IDE: variants seen among roughly 807,000 people sequenced by gnomAD.
IDE encodes insulin-degrading enzyme.
IDE carries 58 observed loss-of-function variants against 133.2 expected under a neutral mutation model. The observed-to-expected ratio is 0.44, with a 90% CI of 0.35 to 0.54. IDE has a LOEUF of 0.54. Among genes scored for constraint, IDE ranks in the 20% least tolerant of loss-of-function variants. The pLI, the probability that IDE is intolerant of heterozygous loss-of-function variation, is 0.00. For synonymous variants in IDE, 396 were observed against 421.3 expected, an observed-to-expected ratio of 0.94 and a Z score of 0.73; for missense variants, 981 against 1,234.0, an observed-to-expected ratio of 0.79 and a Z score of 3.07.
At chr10:92,545,734 A>G (rs555331471) in intron 1 of IDE, among the ~76,000 whole-genome samples, 32 of 152,188 alleles carry the variant, frequency 2.1e-4, no homozygotes, top group Non-Finnish European at 4.1e-4. Flanking sequence ...AACTTTCCCA[A>G]CAGAAGATTT....
chr10:92,480,399 A>G (rs1207356924), intron 14 of IDE, among the ~76,000 whole-genome samples: 1 of 152,236 alleles, frequency 6.6e-6, no homozygotes, highest in African/African-American at 2.4e-5. Flanking sequence ...GGGGACACAT[A>G]ATAATAAATT....
At chr10:92,478,421 T>C (rs934191992) in intron 15 of IDE, among the ~76,000 whole-genome samples, 10 of 152,188 alleles carry the variant, frequency 6.6e-5, no homozygotes, top group African/African-American at 2.4e-4. Flanking sequence ...CAGAAGAGCA[T>C]GCAAATAAAC....
chr10:92,545,218 A>G (rs1842487863), intron 1 of IDE, among the ~76,000 whole-genome samples: 1 of 152,166 alleles, frequency 6.6e-6, no homozygotes, highest in Non-Finnish European at 1.5e-5. Context: ...CACTTCTTCT[A>G]TTTCAACATT....
At chr10:92,482,967 A>C (rs1186524108) in intron 14 of IDE, among the ~76,000 whole-genome samples, 2 of 152,036 alleles carry the variant, frequency 1.3e-5, no homozygotes, top group East Asian at 3.9e-4. Flanking sequence ...TTTTTAGTAG[A>C]GACGGGGTTT....
rs571620531 is a variant in IDE at position 92,537,309 on chromosome 10, T to G, written c.283+57A>C. ...AACACGTATGGAAAGTTCTAATAAATGTCAGCATTAGGTCAATGAAACAAA... is the reference window on the plus strand; with the variant it reads ...AACACGTATGGAAAGTTCTAATAAAGGTCAGCATTAGGTCAATGAAACAAA... On this transcript the variant is annotated intron_variant, in intron 2 of 24. Transcript: ENST00000265986. 10 of 1,344,064 alleles carry G rather than the reference T, an allele frequency of 7.4e-6. No homozygotes were observed. In the African/African-American group the frequency reaches 1.5e-4, roughly 20 times the overall value. The allele number at this position is 1,344,064 out of a possible 1,614,324, so 83.3% of individuals were successfully genotyped here. A position where few individuals can be genotyped will look rare whatever the true frequency, so the allele number is the denominator to read the frequency against.
rs1195513050 is a variant in IDE at position 92,452,299 on chromosome 10, T to C, written c.*2145A>G. The C allele has an allele frequency of 6.6e-6, 1 of 152,214 alleles. No individual in the cohort carries two copies. 9.4% of individuals were successfully genotyped at this position (152,214 alleles called of 1,614,324 possible). A position where few individuals can be genotyped will look rare whatever the true frequency, so the allele number is the denominator to read the frequency against. ...GGATAACCCTAGCACTCCACCATAC[T>C]GGCTGTGTCACATGCTCCCTCTTTC... On this transcript the variant is annotated 3_prime_UTR_variant, in exon 25 of 25. Transcript: ENST00000265986.
intron 5 of IDE, among the ~76,000 whole-genome samples, chr10:92,512,574 A>C (rs919763979): frequency 6.6e-6 from 1 of 151,052 alleles, no homozygotes; most frequent in Admixed American, 6.6e-5. Flanking sequence ...AAAAAAAAAA[A>C]CACCCAGCTT....
intron 1 of IDE, among the ~76,000 whole-genome samples, chr10:92,558,134 C>T (rs558278476): frequency 4.6e-5 from 7 of 152,300 alleles, no homozygotes; most frequent in African/African-American, 9.6e-5. Flanking sequence ...CTCACCGCAA[C>T]GTCCACCTCC....
intron 17 of IDE, 24 bp downstream of exon 17, chr10:92,474,817 T>C: frequency 6.3e-7 from 1 of 1,588,998 alleles, no homozygotes; most frequent in Non-Finnish European, 8.5e-7. Flanking sequence ...AAGAAAGCAT[T>C]AAGCTTTAAG....
intron 6 of IDE, among the ~76,000 whole-genome samples, 192 bp downstream of exon 6, chr10:92,509,858 C>G (rs1468822366): frequency 7.0e-6 from 1 of 143,194 alleles, no homozygotes; most frequent in Non-Finnish European, 1.5e-5. Flanking sequence ...GAAGTTGAGG[C>G]TTCAGTGAGC....
intron 11 of IDE, among the ~76,000 whole-genome samples, chr10:92,503,873 C>T (rs1848160389): frequency 6.6e-6 from 1 of 152,120 alleles, no homozygotes; most frequent in Admixed American, 6.6e-5. Flanking sequence ...TGCATGCCAC[C>T]ATGCCTGGCT....
At chr10:92,568,433 A>C (rs1843649450) in intron 1 of IDE, among the ~76,000 whole-genome samples, 1 of 152,280 alleles carries the variant, frequency 6.6e-6, no homozygotes, top group Admixed American at 6.5e-5. Context: ...TAAAACTAAA[A>C]TAAACAATAA....
intron 17 of IDE, among the ~76,000 whole-genome samples, chr10:92,472,313 C>T (rs1041853910): frequency 7.2e-5 from 11 of 152,128 alleles, no homozygotes; most frequent in Admixed American, 3.3e-4. Flanking sequence ...CAAACCTTTG[C>T]TTTTTGATCA....
rs543334010 is a variant in IDE at position 92,511,096 on chromosome 10, A to C, written c.785-934T>G. 1.3e-3 allele frequency among the ~76,000 whole-genome samples: 201 copies of C among 150,816 alleles called. 1 individual carries two copies. Among genetic ancestry groups the C allele is most frequent in the South Asian group, 4.0e-3 (19 of 4,800 alleles). On this transcript the variant is annotated intron_variant, in intron 5 of 24. Transcript: ENST00000265986. ...AAGAAAGCAGTGTTAAAAAAAAAAA[A>C]AAAAACTTTTTTTTTTTTTTTTTGA...
At chr10:92,486,175 C>T (rs994340204) in intron 13 of IDE, among the ~76,000 whole-genome samples, 1 of 151,918 alleles carries the variant, frequency 6.6e-6, no homozygotes, top group Non-Finnish European at 1.5e-5. Flanking sequence ...ATGGTGAAAC[C>T]CTGTCTCTAC....
intron 4 of IDE, among the ~76,000 whole-genome samples, chr10:92,525,600 T>C (rs1339186155): frequency 6.6e-6 from 1 of 152,152 alleles, no homozygotes; most frequent in Non-Finnish European, 1.5e-5. Flanking sequence ...CTGTCATTGT[T>C]CGTAGACAAC....
Position 92,548,975 on chromosome 10 carries a change from A to G in IDE, c.99-11425T>C, listed in dbSNP as rs138251921. Among the ~76,000 whole-genome samples, 8 of 152,288 alleles carry G rather than the reference A, an allele frequency of 5.3e-5. No individual in the cohort carries two copies. In the East Asian group the frequency reaches 1.5e-3, roughly 29 times the overall value. On this transcript the variant is annotated intron_variant, in intron 1 of 24. Coordinates refer to ENST00000265986, the MANE Select transcript of IDE (RefSeq NM_004969.4). ...TACACTGTATGGGATATCTCCCACA[A>G]GAAAGAATTATATGATCCACACCTG...
chr10:92,568,159 G>A (rs1163135129), intron 1 of IDE, among the ~76,000 whole-genome samples: 3 of 152,160 alleles, frequency 2.0e-5, no homozygotes, highest in Non-Finnish European at 4.4e-5. Flanking sequence ...GTAGACCAGT[G>A]TGACTCACAT....
chr10:92,490,731 G>A lies in IDE; in HGVS notation c.1431-136C>T, dbSNP rs1416509927. 14 of 621,564 alleles carry A rather than the reference G, an allele frequency of 2.3e-5. No individual in the cohort carries two copies. In the Admixed American group the frequency reaches 4.1e-4, roughly 18 times the overall value. 38.5% of individuals were successfully genotyped at this position (621,564 alleles called of 1,614,324 possible). ...TCTTAAGACCCAGCAAATCCTGTAAGGCTTAGTCCAAACAAGCAATACATG... is the reference window on the plus strand; with the variant it reads ...TCTTAAGACCCAGCAAATCCTGTAAAGCTTAGTCCAAACAAGCAATACATG... On this transcript the variant is annotated intron_variant, in intron 11 of 24. Transcript: ENST00000265986.
Sources: allele counts gnomAD v4.1 joint callset (sites outside exome capture counted in the v4.1 genomes callset), GRCh38; gene constraint gnomAD v4.1.1; transcripts MANE v1.5; gene names NCBI Gene and HGNC (gene_info 2026-07-23, HGNC 2026-07-21).